PCCA: variants seen among roughly 807,000 people sequenced by gnomAD.
PCCA encodes the protein propionyl-CoA carboxylase subunit alpha.
Under a neutral mutation model 101.3 loss-of-function variants are expected in PCCA, and 74 were observed. The ratio of observed to expected loss-of-function variants is 0.73; its 90% CI spans 0.61 to 0.89. The LOEUF is 0.89. PCCA is among the 40% of genes least tolerant of loss of function. The pLI, the probability that PCCA is intolerant of heterozygous loss-of-function variation, is 0.00. For synonymous variants in PCCA, 294 were observed against 313.6 expected, an observed-to-expected ratio of 0.94 and a Z score of 0.66; for missense variants, 891 against 907.0, an observed-to-expected ratio of 0.98 and a Z score of 0.23.
intron 4 of PCCA, among the ~76,000 whole-genome samples, chr13:100,132,255 G>A (rs955367980): frequency 9.3e-5 from 1 of 10,788 alleles, no homozygotes; most frequent in African/African-American, 2.9e-4. Flanking sequence ...AGCACAATCA[G>A]AATGCAGAGT....
chr13:100,302,329 C>T (rs1331237709), intron 13 of PCCA, among the ~76,000 whole-genome samples: 2 of 152,066 alleles, frequency 1.3e-5, no homozygotes, highest in African/African-American at 2.4e-5. Flanking sequence ...AAATATTTTT[C>T]AAGGAGTTCA....
intron 6 of PCCA, among the ~76,000 whole-genome samples, chr13:100,179,023 G>A (rs1033517608): frequency 2.7e-5 from 4 of 150,240 alleles, no homozygotes; most frequent in African/African-American, 9.8e-5. Flanking sequence ...CTTGCAGTGA[G>A]CCGAGATCGT....
chr13:100,280,873 T>C (rs2064051810), intron 12 of PCCA, among the ~76,000 whole-genome samples: 1 of 152,170 alleles, frequency 6.6e-6, no homozygotes, highest in Non-Finnish European at 1.5e-5. Flanking sequence ...GGCATCTCCA[T>C]GCTGTAGACA....
chr13:100,226,792 T>C (rs1454228457), intron 7 of PCCA, among the ~76,000 whole-genome samples: 1 of 152,172 alleles, frequency 6.6e-6, no homozygotes, highest in African/African-American at 2.4e-5. Flanking sequence ...TTCTCATAAT[T>C]ACTAACCTTA....
chr13:100,321,591 CTGTGTGTGTGTGTGTGTGTGTGTG>C (rs35931512), intron 16 of PCCA, among the ~76,000 whole-genome samples: 1 of 131,918 alleles, frequency 7.6e-6, no homozygotes, highest in African/African-American at 2.9e-5. Context: ...TATAGAAGAT[CTGTGTGTGTGTGTGTGTGTGTGTG>C]TGTGTGTGTG....
chr13:100,312,735 A>G (rs954997545), intron 16 of PCCA, among the ~76,000 whole-genome samples: 1 of 152,252 alleles, frequency 6.6e-6, no homozygotes, highest in African/African-American at 2.4e-5. Flanking sequence ...TTACTATAAA[A>G]TACTATGCAG....
rs1566759943 is a variant in PCCA, at chr13:100,232,363, T to TGTGTGC, written c.601-3474_601-3473insCGTGTG. Reference sequence around the variant, plus strand: ...GTGTGTGTGTATGCGTGTGTGTGTGTGTGTGTGTGTGTGTGTGTGTGTGTG... The same window carrying TGTGTGC: ...GTGTGTGTGTATGCGTGTGTGTGTGTGTGTGCGTGTGTGTGTGTGTGTGTGTGTGTG... On this transcript the variant is annotated intron_variant, in intron 7 of 23. Coordinates refer to ENST00000376285, the MANE Select transcript of PCCA (RefSeq NM_000282.4). 1.3e-4 allele frequency among the ~76,000 whole-genome samples: 19 copies of TGTGTGC among 149,776 alleles called. 1 individual carries two copies. In the East Asian group the frequency reaches 3.7e-3, roughly 29 times the overall value.
intron 18 of PCCA, among the ~76,000 whole-genome samples, chr13:100,345,047 T>A (rs1566969149): frequency 6.6e-6 from 1 of 152,214 alleles, no homozygotes; most frequent in Non-Finnish European, 1.5e-5. Flanking sequence ...TCCCAGTGTC[T>A]CTCACTCTCC....
chr13:100,343,677 G>T (rs1319535138), intron 18 of PCCA, among the ~76,000 whole-genome samples: 1 of 152,218 alleles, frequency 6.6e-6, no homozygotes, highest in Non-Finnish European at 1.5e-5. Flanking sequence ...GGGGTGATGG[G>T]TGTACAACTG....
chr13:100,323,420 C>A (rs1308875605), intron 16 of PCCA, among the ~76,000 whole-genome samples: 1 of 152,062 alleles, frequency 6.6e-6, no homozygotes, highest in Admixed American at 6.5e-5. Context: ...CTCCCGGCTT[C>A]AAGCGGGAGG....
chr13:100,370,527 A>G (rs2152814851), intron 19 of PCCA, among the ~76,000 whole-genome samples: 1 of 152,252 alleles, frequency 6.6e-6, no homozygotes, highest in Non-Finnish European at 1.5e-5. Context: ...ACACATCAAA[A>G]TTAGTGCATT....
At chr13:100,135,052 T>C (rs2050995474) in intron 4 of PCCA, among the ~76,000 whole-genome samples, 1 of 151,988 alleles carries the variant, frequency 6.6e-6, no homozygotes, top group Non-Finnish European at 1.5e-5. Context: ...TTGTACTGTT[T>C]TGTTAGATTT....
At chr13:100,324,119 CT>C (rs2068377327) in intron 16 of PCCA, among the ~76,000 whole-genome samples, 1 of 152,214 alleles carries the variant, frequency 6.6e-6, no homozygotes, top group African/African-American at 2.4e-5. Context: ...TTGACTTCAG[CT>C]GTCATGCTGC....
intron 8 of PCCA, among the ~76,000 whole-genome samples, chr13:100,240,638 A>G (rs1162875958): frequency 1.3e-5 from 2 of 152,148 alleles, no homozygotes; most frequent in African/African-American, 2.4e-5. Flanking sequence ...AATTTCAATC[A>G]TACGGCATTT....
chr13:100,303,737 A>G (rs2066248254), intron 14 of PCCA, among the ~76,000 whole-genome samples: 1 of 152,160 alleles, frequency 6.6e-6, no homozygotes, highest in Non-Finnish European at 1.5e-5. Flanking sequence ...TACAGGAAGA[A>G]TTCTAAATCT....
At chr13:100,400,242 G>A (rs538151494) in intron 19 of PCCA, among the ~76,000 whole-genome samples, 2 of 152,160 alleles carry the variant, frequency 1.3e-5, no homozygotes, top group Non-Finnish European at 2.9e-5. Flanking sequence ...AGAACAGAAA[G>A]GTTGTTTGTT....
rs1397313706 is a variant in PCCA at position 100,236,015 on chromosome 13, G to T, written c.637+137G>T. 6.0e-6 allele frequency: 4 copies of T among 664,910 alleles called. No individual in the cohort carries two copies. In the Admixed American group the frequency reaches 9.0e-5, roughly 15 times the overall value. The allele number at this position is 664,910 out of a possible 1,614,324, so 41.2% of individuals were successfully genotyped here. ...ATTTTGATTACTTGTTGCTCTGGAA[G>T]AATGTATCAGTTGAATTGCCAAATT... On this transcript the variant is annotated intron_variant, in intron 8 of 23. Coordinates refer to ENST00000376285, the MANE Select transcript of PCCA (RefSeq NM_000282.4).
chr13:100,367,692 C>A (rs1371555067), intron 18 of PCCA, among the ~76,000 whole-genome samples: 1 of 144,106 alleles, frequency 6.9e-6, no homozygotes, highest in African/African-American at 2.6e-5. Flanking sequence ...GGCGCGGTGG[C>A]TCATGCCTGT....
At position 100,258,229 on chromosome 13, in the gene PCCA, C is replaced by T. The variant is rs561717613; in HGVS notation, c.716+556C>T. Among the ~76,000 whole-genome samples, 12 of 152,192 alleles carry T rather than the reference C, an allele frequency of 7.9e-5. No homozygotes were observed. In the South Asian group the frequency reaches 2.3e-3, roughly 29 times the overall value. ...TATAATTTAGAATACTTTTTATGGCCCAATCTCAGAAGTTACACAGGTTTC... is the reference window on the plus strand; with the variant it reads ...TATAATTTAGAATACTTTTTATGGCTCAATCTCAGAAGTTACACAGGTTTC... On this transcript the variant is annotated intron_variant, in intron 9 of 23. Transcript: ENST00000376285.
Sources: gnomAD v4.1 joint callset for allele counts (sites outside exome capture counted in the v4.1 genomes callset) on GRCh38, gnomAD v4.1.1 for gene constraint, MANE v1.5 for transcripts, NCBI Gene and HGNC (gene_info 2026-07-23, HGNC 2026-07-21) for gene names.